The following WDR90 variants were observed in gnomAD, a reference collection of about 807,000 sequenced individuals.
WDR90 encodes WD repeat-containing protein 90.
WDR90 carries 238 observed loss-of-function variants against 195.2 expected under a neutral mutation model. That is an observed-to-expected ratio of 1.22 (90% CI 1.10 to 1.36). The LOEUF (loss-of-function observed/expected upper bound fraction) is 1.36, where lower values mean the gene tolerates loss of function less well. WDR90 is among the 40% of genes most tolerant of loss of function. WDR90 has a pLI of 0.00. For missense variants in WDR90, 2,734 were observed against 2,439.5 expected (o/e 1.12, Z -2.54); for synonymous variants, 1,265 against 1,052.4 (o/e 1.20, Z -3.91).
At chr16:664,454 C>G (rs1051190817) in intron 34 of WDR90, among the ~76,000 whole-genome samples, 1 of 152,198 alleles carries the variant, frequency 6.6e-6, no homozygotes, top group African/African-American at 2.4e-5. Flanking sequence ...TCCACCAGGG[C>G]TGGGAAATTC....
chr16:651,487 G>C (rs1443933018), intron 7 of WDR90, among the ~76,000 whole-genome samples, 157 bp from the exon 8 acceptor site: 3 of 152,156 alleles, frequency 2.0e-5, no homozygotes, highest in Non-Finnish European at 4.4e-5. Flanking sequence ...TGGAAGAGGA[G>C]ACTTTCAGGG....
At chr16:658,059 T>C (rs2037799188) in intron 21 of WDR90, 124 bp from the exon 22 acceptor site, 2 of 1,468,122 alleles carry the variant, frequency 1.4e-6, no homozygotes, top group African/African-American at 1.4e-5. Context: ...CAGGTTCCTG[T>C]GCAGGGCAGG....
At chr16:667,338 A>G (rs2038117684) in intron 40 of WDR90, 94 bp from the exon 41 acceptor site, 3 of 1,490,392 alleles carry the variant, frequency 2.0e-6, no homozygotes, top group Non-Finnish European at 1.8e-6. Flanking sequence ...CCCGACCAGC[A>G]TCATGCCCAG....
chr16:666,079 C>T lies in WDR90; in HGVS notation c.4564C>T (p.His1522Tyr), dbSNP rs375848742. The part of the protein sequence containing the change: ...VSRTAMELKM[H>Y]PHPVALTTVA... ...CCGCACGGCCATGGAGCTCAAGATG[C>T]ACCCCCACCCGGTGGCGCTGACCAC... Residue 1522 changes from histidine (H) to tyrosine (Y), a missense_variant, in exon 36 of 41, where the codon CAC becomes TAC. Physicochemically the swap from His to Tyr is moderately conservative, Grantham distance 83. Transcript: ENST00000293879. 6.2e-7 allele frequency: 1 copy of T among 1,609,656 alleles called. No homozygotes were observed.
At position 662,047 on chromosome 16, in the gene WDR90, G is replaced by C; in HGVS notation, c.4021G>C (p.Asp1341His). 1 of 1,601,746 alleles carries C rather than the reference G, an allele frequency of 6.2e-7. No individual in the cohort carries two copies. The highest frequency in any genetic ancestry group is 1.1e-5 in the South Asian group (1 of 91,042). ...CTGCTTCTTGTCCTGGGAGGCGGAT[G>C]ACGGTGGCATTGGTGAGTGCCCCGC... ...GRCFLSWEAD[D>H]GGIGLLLFSG... The change falls in exon 32 of 41, where the codon GAC becomes CAC. Residue 1341 changes from aspartate (D) to histidine (H), a missense_variant. Asp to His is a moderately conservative substitution (Grantham distance 81, BLOSUM62 -1). Transcript: ENST00000293879.
rs762106745 is a variant in WDR90, at chr16:667,427, C to T, written c.5090-5C>T. The T allele has an allele frequency of 1.3e-6, 2 of 1,594,252 alleles. No homozygotes were observed. The highest frequency in any genetic ancestry group is 8.6e-7 in the Non-Finnish European group (1 of 1,166,912). ...CCCTGGCCCACCTGCACCGTCTACC[C>T]ACAGAGTGCATGCTGAGGCTGGTAG... On this transcript the variant is annotated splice_region_variant and splice_polypyrimidine_tract_variant and intron_variant, in intron 40 of 40. Coordinates refer to ENST00000293879, the MANE Select transcript of WDR90 (RefSeq NM_145294.5).
Position 650,614 on chromosome 16 carries a change from A to G in WDR90, c.464A>G (p.Tyr155Cys). ...GATCTGCAGGACGTTCTCCTGGTCT[A>G]CCTGAACCGGTGCTACGGCCATCTC... ...QLDLQDVLLV[Y>C]LNRCYGHLKS... The change falls in exon 5 of 41, where the codon TAC becomes TGC. Residue 155 changes from tyrosine to cysteine, a missense_variant. Transcript: ENST00000293879. 1 of 1,612,704 alleles carries G rather than the reference A, an allele frequency of 6.2e-7. No individual in the cohort carries two copies. Among genetic ancestry groups the G allele is most frequent in the East Asian group, 2.2e-5 (1 of 44,862 alleles).
intron 28 of WDR90, 128 bp from the exon 29 acceptor site, chr16:660,923 A>T (rs1289916033): frequency 3.3e-6 from 2 of 614,866 alleles, no homozygotes; most frequent in Admixed American, 6.9e-5. Context: ...AGCTGGGACG[A>T]TGCTAACCCC....
Position 662,034 on chromosome 16 carries a change from C to A in WDR90, c.4008C>A (p.Ser1336=), listed in dbSNP as rs771599406. ...CGCGTGCCGGCCGCTGCTTCTTGTC[C>A]TGGGAGGCGGATGACGGTGGCATTG... ...WDTRAGRCFL[S]WEADDGGIGL... is the part of the protein sequence containing the mutation. Residue 1336 remains serine (S), a synonymous_variant, in exon 32 of 41, where the codon TCC becomes TCA. Coordinates refer to ENST00000293879, the MANE Select transcript of WDR90 (RefSeq NM_145294.5). 6.2e-7 allele frequency: 1 copy of A among 1,602,544 alleles called. No homozygotes were observed. The highest frequency in any genetic ancestry group is 8.5e-7 in the Non-Finnish European group (1 of 1,179,814).
At chr16:655,275 C>T (rs766767960) in intron 14 of WDR90, 32 bp from the exon 15 acceptor site, 1 of 1,609,622 alleles carries the variant, frequency 6.2e-7, no homozygotes, top group African/African-American at 1.3e-5. Context: ...GCGCTGCGAG[C>T]TGCGGCAGTG....
At position 659,389 on chromosome 16, in the gene WDR90, G is replaced by T. The variant is rs1475031549; in HGVS notation, c.3184+13G>T. 2.5e-6 allele frequency: 4 copies of T among 1,587,984 alleles called. No homozygotes were observed. Among genetic ancestry groups the T allele is most frequent in the Non-Finnish European group, 2.6e-6 (3 of 1,168,250 alleles). On this transcript the variant is annotated intron_variant, in intron 26 of 40. Coordinates refer to ENST00000293879, the MANE Select transcript of WDR90 (RefSeq NM_145294.5). ...GAAGGTGGCGATGGTGAGCAGCAGG[G>T]GTCCTGGAGGAGTGGGGGGATTCGG... is the stretch of plus-strand genomic sequence containing the variant.
intron 40 of WDR90, 113 bp from the exon 41 acceptor site, chr16:667,319 A>G: frequency 7.1e-7 from 1 of 1,410,260 alleles, no homozygotes; most frequent in South Asian, 1.4e-5. Context: ...CCCTTTTAGC[A>G]CCAGCTCCCC....
At chr16:666,429 T>G (rs1359667129) in intron 37 of WDR90, 26 bp from the exon 38 acceptor site, 1 of 1,608,436 alleles carries the variant, frequency 6.2e-7, no homozygotes, top group Non-Finnish European at 8.5e-7. Flanking sequence ...AAGGCACCTG[T>G]CGGCCCTCAC....
Position 653,671 on chromosome 16 carries a change from G to A in WDR90, c.1379+1G>A, listed in dbSNP as rs751227946. On this transcript the variant is annotated splice_donor_variant, in intron 12 of 40. Transcript: ENST00000293879. LOFTEE classifies it high-confidence loss of function. ...CAATGCACGTTGTCTGCTCTCTCAG[G>A]TGAGCACAGGTCTGCCCCATGCAGG... 6.2e-7 allele frequency: 1 copy of A among 1,613,406 alleles called. No individual in the cohort carries two copies. The highest frequency in any genetic ancestry group is 8.5e-7 in the Non-Finnish European group (1 of 1,179,944).
chr16:651,531 C>G, intron 7 of WDR90, 113 bp from the exon 8 acceptor site: 1 of 1,099,370 alleles, frequency 9.1e-7, no homozygotes, highest in Non-Finnish European at 1.3e-6. Context: ...GGCTGTGGGT[C>G]CTGCAGAGCC....
At position 666,051 on chromosome 16, in the gene WDR90, CT is replaced by C; in HGVS notation, c.4537del (p.Ser1513ProfsTer16). The C allele has an allele frequency of 6.2e-7, 1 of 1,606,922 alleles. No individual in the cohort carries two copies. The highest frequency in any genetic ancestry group is 1.1e-5 in the South Asian group (1 of 91,080). On this transcript the variant is annotated frameshift_variant, in exon 36 of 41. Coordinates refer to ENST00000293879, the MANE Select transcript of WDR90 (RefSeq NM_145294.5). LOFTEE classifies it high-confidence loss of function. ...ACGGCTCCCTGCGCATCTTCAGCGT[CT>C]CCCGCACGGCCATGGAGCTCAAGAT... ...GDGSLRIFSV[S>X]RTAMELKMHP...
In WDR90 at chr16:667,415, G is replaced by A; in HGVS notation, c.5090-17G>A. Reference sequence around the variant, plus strand: ...GCCTGGTCCTGGCCCTGGCCCACCTGCACCGTCTACCCACAGAGTGCATGC... The same window carrying A: ...GCCTGGTCCTGGCCCTGGCCCACCTACACCGTCTACCCACAGAGTGCATGC... On this transcript the variant is annotated splice_polypyrimidine_tract_variant and intron_variant, in intron 40 of 40. Coordinates refer to ENST00000293879, the MANE Select transcript of WDR90 (RefSeq NM_145294.5). 1 of 1,583,858 alleles carries A rather than the reference G, an allele frequency of 6.3e-7. No homozygotes were observed. The highest frequency in any genetic ancestry group is 8.6e-7 in the Non-Finnish European group (1 of 1,160,966).
At position 657,231 on chromosome 16, in the gene WDR90, C is replaced by T. The variant is rs1302942664; in HGVS notation, c.2473+10C>T. The T allele has an allele frequency of 6.5e-7, 1 of 1,537,356 alleles. No individual in the cohort carries two copies. ...GTCCTCCGAGTGGCAGGTTGGGCCC[C>T]CTGCAGCCACTCTGGGGGACTCCTC... On this transcript the variant is annotated intron_variant, in intron 20 of 40. Transcript: ENST00000293879.
intron 17 of WDR90, 30 bp downstream of exon 17, chr16:655,919 C>T (rs547989589): frequency 2.4e-5 from 37 of 1,566,282 alleles, no homozygotes; most frequent in East Asian, 2.1e-4. Context: ...CTCCCAACTC[C>T]GGGAGAGCCT....
Sources: gnomAD v4.1 joint callset for allele counts (sites outside exome capture counted in the v4.1 genomes callset) on GRCh38, gnomAD v4.1.1 for gene constraint, MANE v1.5 for transcripts, NCBI Gene and HGNC (gene_info 2026-07-23, HGNC 2026-07-21) for gene names.